The following EML1 variants were observed in gnomAD, a reference collection of about 807,000 sequenced individuals.
EML1 encodes the protein echinoderm microtubule-associated protein-like 1.
In EML1, 27 loss-of-function variants were observed where a neutral mutation model predicts 110.4. The ratio of observed to expected loss-of-function variants is 0.24; its 90% CI spans 0.18 to 0.34. The LOEUF (loss-of-function observed/expected upper bound fraction) is 0.34. EML1 is among the 10% of genes least tolerant of loss of function. EML1 has a pLI of 1.00. For synonymous variants in EML1, 344 were observed against 385.8 expected, an observed-to-expected ratio of 0.89 and a Z score of 1.27; for missense variants, 741 against 1,030.9, an observed-to-expected ratio of 0.72 and a Z score of 3.85.
intron 1 of EML1, among the ~76,000 whole-genome samples, chr14:99,743,471 T>C (rs539041141): frequency 1.2e-4 from 18 of 152,262 alleles, no homozygotes; most frequent in African/African-American, 4.1e-4. Flanking sequence ...CATGTCCAGG[T>C]GCGGCTGGAT....
Position 99,917,778 on chromosome 14 carries a change from T to G in EML1, c.1753-4T>G. On this transcript the variant is annotated splice_polypyrimidine_tract_variant and splice_region_variant and intron_variant, in intron 15 of 21. Coordinates refer to ENST00000262233, the MANE Select transcript of EML1 (RefSeq NM_004434.3). ...CAATTTACACTTCCTTTAAAATATTTTAGGATCCAGCTCAGTCTTCTGGTT... is the reference window on the plus strand; with the variant it reads ...CAATTTACACTTCCTTTAAAATATTGTAGGATCCAGCTCAGTCTTCTGGTT... 1 of 1,614,154 alleles carries G rather than the reference T, an allele frequency of 6.2e-7. No homozygotes were observed. The highest frequency in any genetic ancestry group is 8.5e-7 in the Non-Finnish European group (1 of 1,180,000).
intron 5 of EML1, among the ~76,000 whole-genome samples, chr14:99,891,535 G>C (rs1445987608): frequency 1.3e-5 from 2 of 152,220 alleles, no homozygotes. Context: ...ATTAAAAGGT[G>C]TCTGTTGCCT....
intron 17 of EML1, among the ~76,000 whole-genome samples, chr14:99,922,542 T>C (rs2060148938): frequency 6.6e-6 from 1 of 152,216 alleles, no homozygotes; most frequent in African/African-American, 2.4e-5. Flanking sequence ...TGACGGATTG[T>C]ATGGTAAACT....
At chr14:99,864,570 G>C (rs935605630) in intron 2 of EML1, among the ~76,000 whole-genome samples, 3 of 152,018 alleles carry the variant, frequency 2.0e-5, no homozygotes, top group Non-Finnish European at 4.4e-5. Flanking sequence ...TCCCAACACT[G>C]GGAGGCCGAG....
intron 1 of EML1, chr14:99,838,930 T>TGTGTGTATGC (rs35886892): frequency 2.0e-5 from 3 of 148,488 alleles, no homozygotes; most frequent in Non-Finnish European, 4.5e-5. Flanking sequence ...TGTGTGTGTG[T>TGTGTGTATGC]GCGCGCGCGC....
upstream of EML1, among the ~76,000 whole-genome samples, chr14:99,770,779 A>ATTTTTTTTTTTTTTTTGTTTTT (rs2057417790): frequency 1.1e-5 from 1 of 91,640 alleles, no homozygotes; most frequent in Non-Finnish European, 2.0e-5. Context: ...GTTTCCGCTG[A>ATTTTTTTTTTTTTTTTGTTTTT]TTTTTTTTTT....
At chr14:99,833,677 GT>G (rs1310594556) in intron 1 of EML1, among the ~76,000 whole-genome samples, 1 of 152,130 alleles carries the variant, frequency 6.6e-6, no homozygotes, top group South Asian at 2.1e-4. Context: ...TCTCAGCAGT[GT>G]TTTCTGAGAG....
chr14:99,865,880 G>A (rs1745443527), intron 3 of EML1, among the ~76,000 whole-genome samples: 1 of 152,164 alleles, frequency 6.6e-6, no homozygotes, highest in Admixed American at 6.5e-5. Flanking sequence ...ACAGTGTGGT[G>A]TTTTGTATTT....
At chr14:99,916,018 G>C (rs2060028697) in intron 15 of EML1, among the ~76,000 whole-genome samples, 1 of 152,240 alleles carries the variant, frequency 6.6e-6, no homozygotes, top group Non-Finnish European at 1.5e-5. Context: ...GGTGTGGCCC[G>C]TGATGGCAGG....
intron 1 of EML1, among the ~76,000 whole-genome samples, chr14:99,839,404 G>C (rs1284102850): frequency 6.6e-6 from 1 of 152,124 alleles, no homozygotes; most frequent in Non-Finnish European, 1.5e-5. Flanking sequence ...CCCTTGGATT[G>C]GGAAGATCGC....
intron 1 of EML1, among the ~76,000 whole-genome samples, chr14:99,747,574 C>T (rs11160543): frequency 0.11 from 17,312 of 152,212 alleles, 1,046 homozygotes; most frequent in East Asian, 0.22. Flanking sequence ...ACCCAAGGAA[C>T]ATCCTTTCTG....
At chr14:99,841,561 C>A (rs549438395) in intron 1 of EML1, among the ~76,000 whole-genome samples, 1 of 152,156 alleles carries the variant, frequency 6.6e-6, no homozygotes, top group African/African-American at 2.4e-5. Context: ...AGGACCCAGA[C>A]AGGGCAGTAT....
intron 1 of EML1, among the ~76,000 whole-genome samples, chr14:99,810,157 C>T (rs925801613): frequency 2.0e-5 from 3 of 152,118 alleles, no homozygotes; most frequent in Non-Finnish European, 2.9e-5. Context: ...ACTGCAAGGC[C>T]ATTTTACAGC....
chr14:99,801,415 A>G (rs547163757), intron 1 of EML1, among the ~76,000 whole-genome samples: 2 of 152,118 alleles, frequency 1.3e-5, no homozygotes, highest in South Asian at 4.1e-4. Flanking sequence ...GGAGATCGAG[A>G]CCATCCTGGC....
intron 3 of EML1, among the ~76,000 whole-genome samples, chr14:99,873,862 C>T (rs2059245330): frequency 6.6e-6 from 1 of 152,220 alleles, no homozygotes; most frequent in Admixed American, 6.5e-5. Flanking sequence ...CCCTTGTGGA[C>T]CCTCCAGCAC....
rs138048807 is a variant in EML1 at position 99,880,927 on chromosome 14, G to A, written c.518+2308G>A. 1.2e-3 allele frequency among the ~76,000 whole-genome samples: 188 copies of A among 152,298 alleles called. 3 individuals carry two copies. In the East Asian group the frequency reaches 0.018, roughly 15 times the overall value. ...TAAAGACAGGCTTGTGTGGAGCAGA[G>A]GAAAGTAATCAGTGAGATTTTCTAC... On this transcript the variant is annotated intron_variant, in intron 4 of 21. Coordinates refer to ENST00000262233, the MANE Select transcript of EML1 (RefSeq NM_004434.3).
chr14:99,935,053 G>A (rs1449997350), intron 17 of EML1, among the ~76,000 whole-genome samples: 2 of 152,236 alleles, frequency 1.3e-5, no homozygotes, highest in Non-Finnish European at 2.9e-5. Context: ...GTGAACCCGT[G>A]TGTTCAGTGA....
chr14:99,909,370 C>CCT lies in EML1; in HGVS notation c.1130_1131insCT (p.Asp378TrpfsTer11). The CCT allele has an allele frequency of 4.3e-6, 7 of 1,614,004 alleles. No individual in the cohort carries two copies. Among genetic ancestry groups the CCT allele is most frequent in the Non-Finnish European group, 5.9e-6 (7 of 1,180,000 alleles). On this transcript the variant is annotated frameshift_variant, in exon 11 of 22. Transcript: ENST00000262233. LOFTEE classifies it high-confidence loss of function. The stretch of plus-strand genomic sequence containing the variant: ...TGCTCTAATGAAGCTGTGTTTGCTG[C>CCT]GGATTTCCACCCCACGGACACCAAC...
intron 1 of EML1, among the ~76,000 whole-genome samples, chr14:99,753,989 C>A (rs993097654): frequency 6.6e-6 from 1 of 152,144 alleles, no homozygotes; most frequent in Non-Finnish European, 1.5e-5. Context: ...CCAACAAGGG[C>A]CCCCCACCCC....
Sources: allele counts gnomAD v4.1 joint callset (sites outside exome capture counted in the v4.1 genomes callset), GRCh38; gene constraint gnomAD v4.1.1; transcripts MANE v1.5; gene names NCBI Gene and HGNC (gene_info 2026-07-23, HGNC 2026-07-21).